Variants in ZC3H12B observed in about 807,000 individuals in gnomAD.
ZC3H12B encodes the protein probable ribonuclease ZC3H12B.
A neutral mutation model predicts 43.9 loss-of-function variants in ZC3H12B; 7 were observed. The ratio of observed to expected loss-of-function variants is 0.16; its 90% CI spans 0.09 to 0.30. ZC3H12B has a LOEUF of 0.30. Among genes scored for constraint, ZC3H12B ranks in the 10% least tolerant of loss-of-function variants. The probability of loss-of-function intolerance (pLI) is 1.00; values close to 1 mark genes in which losing one functional copy is unlikely to be tolerated. For synonymous variants in ZC3H12B, 222 were observed against 241.7 expected, an observed-to-expected ratio of 0.92 and a Z score of 0.76; for missense variants, 475 against 670.2, an observed-to-expected ratio of 0.71 and a Z score of 3.22.
the ZC3H12B span, among the ~76,000 whole-genome samples, chrX:65,324,812 AT>A: frequency 1.8e-5 from 2 of 110,053 alleles, no homozygotes; most frequent in East Asian, 5.7e-4. Context: ...TTTTGTTTCC[AT>A]TTGATCAAAA....
chrX:65,260,264 G>T, the ZC3H12B span, among the ~76,000 whole-genome samples: 1 of 109,809 alleles, frequency 9.1e-6, no homozygotes, highest in South Asian at 3.9e-4. Context: ...CACCAAGAAT[G>T]TGCAAGATGA....
the ZC3H12B span, among the ~76,000 whole-genome samples, chrX:65,250,764 G>C: frequency 2.7e-5 from 3 of 111,592 alleles, no homozygotes; most frequent in African/African-American, 9.8e-5. Flanking sequence ...GATATCCTTT[G>C]CCCACTTGTT....
chrX:65,495,930 T>A (rs190074559), intron 1 of ZC3H12B, among the ~76,000 whole-genome samples: 2 of 111,392 alleles, frequency 1.8e-5, no homozygotes, highest in African/African-American at 3.3e-5. Context: ...TGGTCGCAAA[T>A]TCCTGGGCTC....
the ZC3H12B span, among the ~76,000 whole-genome samples, chrX:65,259,957 G>T: frequency 3.6e-5 from 4 of 111,774 alleles, no homozygotes; most frequent in Non-Finnish European, 5.7e-5. Context: ...TATTCTAAGT[G>T]AAATAACTCG....
At chrX:65,427,108 G>T (rs1414244230) in intron 3 of ZC3H12B, among the ~76,000 whole-genome samples, 1 of 111,468 alleles carries the variant, frequency 9.0e-6, no homozygotes, top group African/African-American at 3.3e-5. Context: ...TCTCTTTGAA[G>T]GTCTCTAAGA....
the ZC3H12B span, among the ~76,000 whole-genome samples, chrX:65,245,397 C>A: frequency 2.7e-5 from 3 of 111,560 alleles, no homozygotes; most frequent in Admixed American, 9.5e-5. Context: ...AACAGAAAAG[C>A]TGCAGGCCAA....
chrX:65,447,688 C>T (rs2067397218), intron 3 of ZC3H12B, among the ~76,000 whole-genome samples: 1 of 111,875 alleles, frequency 8.9e-6, no homozygotes. Flanking sequence ...GCAAACTATG[C>T]ATCTGATGAA....
At chrX:65,502,670 C>A (rs2068384263) in exon 5 of ZC3H12B, 1 of 1,207,487 alleles carries the variant, frequency 8.3e-7, no homozygotes, top group African/African-American at 1.8e-5. Context: ...GTCAGTCCCC[C>A]ACTTAGCTCT....
chrX:65,462,943 T>C (rs976655714), intron 3 of ZC3H12B, among the ~76,000 whole-genome samples: 1 of 112,124 alleles, frequency 8.9e-6, no homozygotes, highest in African/African-American at 3.2e-5. Flanking sequence ...GCCGTAAAAA[T>C]GAATAAAATC....
chrX:65,274,484 C>T, the ZC3H12B span, among the ~76,000 whole-genome samples: 2 of 110,037 alleles, frequency 1.8e-5, no homozygotes, highest in Non-Finnish European at 3.8e-5. Context: ...AGCCTGAGTC[C>T]AAAATAGGCT....
At chrX:65,257,806 C>T in the ZC3H12B span, among the ~76,000 whole-genome samples, 1 of 110,600 alleles carries the variant, frequency 9.0e-6, no homozygotes, top group Non-Finnish European at 1.9e-5. Context: ...TTTCTGGAAA[C>T]ATACAACCAC....
intron 3 of ZC3H12B, among the ~76,000 whole-genome samples, chrX:65,462,829 T>A (rs973970769): frequency 8.9e-6 from 1 of 112,550 alleles, no homozygotes; most frequent in Non-Finnish European, 1.9e-5. Context: ...ATGTTCATTG[T>A]AGCACTATTC....
At chrX:65,480,299 T>C (rs1218115195) in intron 3 of ZC3H12B, among the ~76,000 whole-genome samples, 2 of 112,472 alleles carry the variant, frequency 1.8e-5, no homozygotes, top group East Asian at 5.5e-4. Flanking sequence ...TTTTAATTTC[T>C]ACTGTGGGAA....
the ZC3H12B span, among the ~76,000 whole-genome samples, chrX:65,306,362 A>G: frequency 9.0e-6 from 1 of 111,357 alleles, no homozygotes; most frequent in South Asian, 3.8e-4. Context: ...TTCCACTCTT[A>G]GATTTATTTA....
rs769224823 is a variant in ZC3H12B, at chrX:65,449,293, C to T, written n.408-39353C>T. On this transcript the variant is annotated intron_variant and non_coding_transcript_variant, in intron 3 of 5. Transcript: ENST00000617377. Reference sequence around the variant, plus strand: ...CAAACCTGCACGTCCTGCACATATACCCCTGAACTTAAAATACATGTTGAA... The same window carrying T: ...CAAACCTGCACGTCCTGCACATATATCCCTGAACTTAAAATACATGTTGAA... Among the ~76,000 whole-genome samples the T allele has an allele frequency of 5.4e-5, 6 of 110,881 alleles. No individual in the cohort carries two copies. In the South Asian group the frequency reaches 2.4e-3, roughly 44 times the overall value.
chrX:65,145,898 G>A, the ZC3H12B span, among the ~76,000 whole-genome samples: 1 of 110,881 alleles, frequency 9.0e-6, no homozygotes, highest in Non-Finnish European at 1.9e-5. Context: ...TCGTGCTTTT[G>A]TCCCATAGCT....
chrX:65,296,575 T>G, the ZC3H12B span, among the ~76,000 whole-genome samples: 1 of 111,290 alleles, frequency 9.0e-6, no homozygotes, highest in Non-Finnish European at 1.9e-5. Context: ...CTATCAGACA[T>G]TCAAATGAAA....
the ZC3H12B span, among the ~76,000 whole-genome samples, chrX:65,143,769 A>C: frequency 1.9e-5 from 2 of 107,959 alleles, no homozygotes; most frequent in African/African-American, 6.8e-5. Flanking sequence ...GGGTTTTGCC[A>C]TGTTGTCCAT....
chrX:65,051,919 C>A, the ZC3H12B span, among the ~76,000 whole-genome samples: 7 of 110,489 alleles, frequency 6.3e-5, no homozygotes, highest in East Asian at 2.0e-3. Flanking sequence ...GACCAGGTGG[C>A]ATCTCTTGGT....
Sources: gnomAD v4.1 joint callset for allele counts (sites outside exome capture counted in the v4.1 genomes callset) on GRCh38, gnomAD v4.1.1 for gene constraint, MANE v1.5 for transcripts, NCBI Gene and HGNC (gene_info 2026-07-23, HGNC 2026-07-21) for gene names.